CALN1: variants seen among roughly 807,000 people sequenced by gnomAD.
The protein encoded by CALN1 is calneuron 1.
Under a neutral mutation model 30.6 loss-of-function variants are expected in CALN1, and 17 were observed. The ratio of observed to expected loss-of-function variants is 0.56; its 90% CI spans 0.38 to 0.83. The LOEUF is 0.83. CALN1 is among the 40% of genes least tolerant of loss of function. The pLI is 0.00. For missense variants in CALN1, 291 were observed against 354.9 expected, an observed-to-expected ratio of 0.82 and a Z score of 1.45; for synonymous variants, 156 against 131.4, an observed-to-expected ratio of 1.19 and a Z score of -1.28.
At position 72,081,236 on chromosome 7, in the gene CALN1, G is replaced by A. The variant is rs149048174; in HGVS notation, c.388+24915C>T. Among the ~76,000 whole-genome samples, 59 of 152,216 alleles carry A rather than the reference G, an allele frequency of 3.9e-4. 1 individual carries two copies. In the East Asian group the frequency reaches 0.011, roughly 28 times the overall value. ...CACAGAAACCAAAAGAAACATAGTA[G>A]AAAGGGTCTAGGTTATGTTAGCAGA... On this transcript the variant is annotated intron_variant, in intron 4 of 6. Transcript: ENST00000395275.
chr7:72,035,852 T>C (rs1562997202), intron 4 of CALN1, among the ~76,000 whole-genome samples: 1 of 152,244 alleles, frequency 6.6e-6, no homozygotes, highest in Non-Finnish European at 1.5e-5. Context: ...TTAAATTATG[T>C]AGAAAACAAA....
intron 2 of CALN1, among the ~76,000 whole-genome samples, chr7:72,349,138 T>C (rs1294793575): frequency 2.0e-5 from 3 of 151,914 alleles, no homozygotes; most frequent in African/African-American, 4.8e-5. Context: ...TTTGAAAAAA[T>C]AGAAACTGAA....
chr7:72,355,540 AAAAAC>A (rs780444858), intron 2 of CALN1, among the ~76,000 whole-genome samples: 6 of 152,218 alleles, frequency 3.9e-5, no homozygotes, highest in Non-Finnish European at 5.9e-5. Context: ...AAAATGGAAC[AAAAAC>A]AAAACAAAAC....
At chr7:72,150,138 A>G (rs1787115102) in intron 3 of CALN1, among the ~76,000 whole-genome samples, 1 of 151,990 alleles carries the variant, frequency 6.6e-6, no homozygotes, top group Non-Finnish European at 1.5e-5. Flanking sequence ...AAAAAAAAAA[A>G]AAAAAACAGA....
intron 3 of CALN1, among the ~76,000 whole-genome samples, chr7:72,223,674 G>T (rs887460709): frequency 6.6e-6 from 1 of 152,058 alleles, no homozygotes; most frequent in Non-Finnish European, 1.5e-5. Context: ...CTACCCAATT[G>T]TTCTATTGAA....
chr7:72,133,489 T>C (rs1354820246), intron 3 of CALN1, among the ~76,000 whole-genome samples: 1 of 152,190 alleles, frequency 6.6e-6, no homozygotes, highest in East Asian at 1.9e-4. Flanking sequence ...GAAAAACTGT[T>C]GTATGATTAT....
chr7:72,136,917 C>A (rs1276902478), intron 3 of CALN1, among the ~76,000 whole-genome samples: 1 of 152,094 alleles, frequency 6.6e-6, no homozygotes. Flanking sequence ...TCAAAAAAAT[C>A]ACAATAGTAA....
At chr7:71,790,423 A>G (rs898474454) in intron 6 of CALN1, among the ~76,000 whole-genome samples, 2 of 146,266 alleles carry the variant, frequency 1.4e-5, no homozygotes, top group Admixed American at 1.4e-4. Context: ...AAAGAAAGAA[A>G]GAAGCAAGCA....
At chr7:71,857,320 C>T (rs555977126) in intron 5 of CALN1, among the ~76,000 whole-genome samples, 3 of 152,140 alleles carry the variant, frequency 2.0e-5, no homozygotes, top group South Asian at 2.1e-4. Context: ...TGCATCTTCC[C>T]GCCTCTGGCA....
intron 2 of CALN1, among the ~76,000 whole-genome samples, chr7:72,338,470 AGTGT>A (rs56695086): frequency 0.052 from 3,855 of 74,660 alleles, 99 homozygotes; most frequent in Non-Finnish European, 0.06. Flanking sequence ...CCAGCAGCAC[AGTGT>A]GTGTGTGTGT....
chr7:72,016,786 T>C (rs1005604471), intron 5 of CALN1, among the ~76,000 whole-genome samples: 17 of 151,372 alleles, frequency 1.1e-4, no homozygotes, highest in African/African-American at 3.9e-4. Context: ...GCTTATAAAA[T>C]GTCCCAGACA....
At chr7:72,373,617 A>G (rs1804376976) in intron 2 of CALN1, among the ~76,000 whole-genome samples, 1 of 152,216 alleles carries the variant, frequency 6.6e-6, no homozygotes. Flanking sequence ...AAGATATTTT[A>G]GGTAAACTAG....
intron 1 of CALN1, among the ~76,000 whole-genome samples, chr7:72,426,093 T>G (rs756348000): frequency 6.6e-6 from 1 of 152,202 alleles, no homozygotes. Context: ...ATTTCTGCCA[T>G]TGTCTTCCGG....
At chr7:72,365,911 G>A (rs1803851631) in intron 2 of CALN1, among the ~76,000 whole-genome samples, 1 of 152,152 alleles carries the variant, frequency 6.6e-6, no homozygotes, top group African/African-American at 2.4e-5. Context: ...ATCATTTCAA[G>A]AAGGAAATTG....
intron 2 of CALN1, among the ~76,000 whole-genome samples, chr7:72,313,341 A>G (rs951783436): frequency 6.6e-6 from 1 of 152,194 alleles, no homozygotes; most frequent in African/African-American, 2.4e-5. Context: ...AAATAACAAT[A>G]AAGTTACATC....
intron 5 of CALN1, among the ~76,000 whole-genome samples, chr7:71,829,527 T>C (rs1448229756): frequency 6.6e-6 from 1 of 152,234 alleles, no homozygotes; most frequent in East Asian, 1.9e-4. Flanking sequence ...TTGTTGTCTG[T>C]AAAGTAAAGG....
intron 5 of CALN1, among the ~76,000 whole-genome samples, chr7:71,941,105 G>T (rs1307356110): frequency 6.6e-6 from 1 of 152,130 alleles, no homozygotes; most frequent in Non-Finnish European, 1.5e-5. Context: ...CCAGCACTTT[G>T]GGAGGCCAAG....
chr7:72,406,420 T>C (rs1806696567), intron 1 of CALN1, among the ~76,000 whole-genome samples: 1 of 152,114 alleles, frequency 6.6e-6, no homozygotes, highest in South Asian at 2.1e-4. Flanking sequence ...GTCCCCAAAT[T>C]AACCGGTTAT....
intron 3 of CALN1, among the ~76,000 whole-genome samples, chr7:72,214,808 G>A (rs1792659860): frequency 6.6e-6 from 1 of 151,902 alleles, no homozygotes. Context: ...AATCACTGCA[G>A]CATTAGATTC....
Sources: gnomAD v4.1 joint callset for allele counts (sites outside exome capture counted in the v4.1 genomes callset) on GRCh38, gnomAD v4.1.1 for gene constraint, MANE v1.5 for transcripts, NCBI Gene and HGNC (gene_info 2026-07-23, HGNC 2026-07-21) for gene names.